ZNF625: variants seen among roughly 807,000 people sequenced by gnomAD.
ZNF625 encodes the protein zinc finger protein 625.
Under a neutral mutation model 11.1 loss-of-function variants are expected in ZNF625, and 8 were observed. The ratio of observed to expected loss-of-function variants is 0.72; its 90% CI spans 0.42 to 1.30. The LOEUF (loss-of-function observed/expected upper bound fraction) is 1.30. Ranked by LOEUF, ZNF625 falls within the 50% of genes most tolerant of loss-of-function variation. ZNF625 has a pLI of 0.01. For synonymous variants in ZNF625, 145 were observed against 153.4 expected (o/e 0.95, Z 0.41); for missense variants, 349 against 447.6 (o/e 0.78, Z 1.99).
rs1012870753 is a variant in ZNF625 at position 12,145,642 on chromosome 19, A to G, written c.774T>C (p.Ser258=). The change falls in exon 4 of 4, where the codon AGT becomes AGC. Residue 258 remains serine (S), a synonymous_variant. Transcript: ENST00000439556. The part of the protein sequence containing the change: ...ECSECGKAFH[S]STCLHAHKIT... ...TTTTATGTGCATGGAGGCATGTGGA[A>G]CTATGGAATGCTTTCCCACACTCAC... 1 of 1,614,120 alleles carries G rather than the reference A, an allele frequency of 6.2e-7. No homozygotes were observed. Among genetic ancestry groups the G allele is most frequent in the Non-Finnish European group, 8.5e-7 (1 of 1,180,028 alleles).
chr19:12,147,531 A>G (rs1409908747), intron 2 of ZNF625, 76 bp from the exon 3 acceptor site: 11 of 1,519,018 alleles, frequency 7.2e-6, no homozygotes, highest in Non-Finnish European at 9.0e-6. Context: ...AGTTCATGGT[A>G]CACTGCAGCC....
chr19:12,147,345 T>C, intron 3 of ZNF625, 50 bp downstream of exon 3: 2 of 1,360,162 alleles, frequency 1.5e-6, no homozygotes, highest in Middle Eastern at 1.9e-4. Flanking sequence ...TTTTCTTCCA[T>C]TCTATGATTG....
chr19:12,153,139 G>A (rs1976978660), intron 1 of ZNF625, among the ~76,000 whole-genome samples: 1 of 151,932 alleles, frequency 6.6e-6, no homozygotes, highest in Non-Finnish European at 1.5e-5. Context: ...GGATCACGAG[G>A]TCAGGAGTTC....
intron 1 of ZNF625, among the ~76,000 whole-genome samples, chr19:12,152,798 T>C (rs1046973763): frequency 2.6e-5 from 4 of 151,480 alleles, no homozygotes; most frequent in African/African-American, 9.7e-5. Flanking sequence ...GCCGAGATCA[T>C]GCCATTGCAC....
rs369194801 is a variant in ZNF625 at position 12,145,426 on chromosome 19, G to A, written c.990C>T (p.Pro330=). 6.2e-7 allele frequency: 1 copy of A among 1,613,994 alleles called. No individual in the cohort carries two copies. The change falls in exon 4 of 4, where the codon CCC becomes CCT. Residue 330 remains proline, a synonymous_variant. Coordinates refer to ENST00000439556, the MANE Select transcript of ZNF625 (RefSeq NM_145233.4). ...THGRTHTGEK[P]YECKQCGKAF... ...CTTTACCACATTGTTTACATTCATAGGGTTTCTCTCCAGTGTGAGTCCTTC... is the reference window on the plus strand; with the variant it reads ...CTTTACCACATTGTTTACATTCATAAGGTTTCTCTCCAGTGTGAGTCCTTC...
chr19:12,145,663 C>T lies in ZNF625; in HGVS notation c.753G>A (p.Glu251=). 6.2e-7 allele frequency: 1 copy of T among 1,613,346 alleles called. No individual in the cohort carries two copies. Among genetic ancestry groups the T allele is most frequent in the Non-Finnish European group, 8.5e-7 (1 of 1,179,864 alleles). Residue 251 remains glutamate (E), a synonymous_variant, in exon 4 of 4, where the codon GAG becomes GAA. Coordinates refer to ENST00000439556, the MANE Select transcript of ZNF625 (RefSeq NM_145233.4). ...TGGAACTATGGAATGCTTTCCCACA[C>T]TCACTGCATTCATAAGGCTTCTCTC... ...HTGEKPYECS[E]CGKAFHSSTC...
In ZNF625 at chr19:12,147,310, A is replaced by G. The variant is rs1976890837; in HGVS notation, c.191+85T>C. On this transcript the variant is annotated intron_variant, in intron 3 of 3. Transcript: ENST00000439556. ...GAATAAATACAGTGGAACTTGGCTT[A>G]TTTCTTGTTTGCTTCTTTTTAACAT... 1.2e-5 allele frequency: 15 copies of G among 1,239,532 alleles called. 1 individual carries two copies. The South Asian group carries it at 2.1e-4, about 17-fold the overall frequency. 76.8% of individuals were successfully genotyped at this position (1,239,532 alleles called of 1,614,324 possible).
intron 1 of ZNF625, among the ~76,000 whole-genome samples, chr19:12,148,319 TAA>T (rs1976905997): frequency 6.6e-6 from 1 of 151,798 alleles, no homozygotes; most frequent in Non-Finnish European, 1.5e-5. Flanking sequence ...CATAACTAAC[TAA>T]AACAAAAAAT....
At chr19:12,153,908 C>T (rs1002655198) in intron 1 of ZNF625, among the ~76,000 whole-genome samples, 1 of 147,810 alleles carries the variant, frequency 6.8e-6, no homozygotes, top group African/African-American at 2.5e-5. Flanking sequence ...CCCGGGTTCA[C>T]GCCATTCTCC....
At position 12,145,416 on chromosome 19, in the gene ZNF625, TA is replaced by T; in HGVS notation, c.999del (p.Cys333Ter). 1.2e-6 allele frequency: 2 copies of T among 1,614,236 alleles called. No homozygotes were observed. ...RTHTGEKPYECKQCGKAFGCA... is the reference protein window; with the variant it reads ...RTHTGEKPYEXKQCGKAFGCA... Reference sequence around the variant, plus strand: ...CATCCAAAGGCTTTACCACATTGTTTACATTCATAGGGTTTCTCTCCAGTGT... The same window carrying T: ...CATCCAAAGGCTTTACCACATTGTTTCATTCATAGGGTTTCTCTCCAGTGT... On this transcript the variant is annotated frameshift_variant, in exon 4 of 4. Coordinates refer to ENST00000439556, the MANE Select transcript of ZNF625 (RefSeq NM_145233.4). LOFTEE classifies it low-confidence loss of function (END_TRUNC).
Position 12,146,094 on chromosome 19 carries a change from C to G in ZNF625, c.322G>C (p.Gly108Arg), listed in dbSNP as rs1055009610. Residue 108 changes from glycine to arginine, a missense_variant, in exon 4 of 4, where the codon GGT becomes CGT. Coordinates refer to ENST00000439556, the MANE Select transcript of ZNF625 (RefSeq NM_145233.4). ...TGGTGCCTATTAAGGGATGCATGACCCACGCTGACTTCTCCACATGATTTT... is the reference window on the plus strand; with the variant it reads ...TGGTGCCTATTAAGGGATGCATGACGCACGCTGACTTCTCCACATGATTTT... ...RVKSCGEVSV[G>R]HASLNRHHRA... The G allele has an allele frequency of 2.5e-6, 4 of 1,613,952 alleles. No individual in the cohort carries two copies. In the African/African-American group the frequency reaches 4.0e-5, roughly 16 times the overall value.
intron 2 of ZNF625, 95 bp downstream of exon 2, chr19:12,147,581 A>C (rs1976894983): frequency 1.3e-6 from 2 of 1,584,130 alleles, no homozygotes; most frequent in East Asian, 4.5e-5. Flanking sequence ...TGTCCTCACT[A>C]TTCCCTGTCC....
Position 12,146,143 on chromosome 19 carries a change from C to T in ZNF625, c.273G>A (p.Met91Ile). 1 of 1,614,200 alleles carries T rather than the reference C, an allele frequency of 6.2e-7. No homozygotes were observed. The highest frequency in any genetic ancestry group is 1.7e-5 in the Admixed American group (1 of 60,016). Residue 91 changes from methionine to isoleucine, a missense_variant, in exon 4 of 4, where the codon ATG becomes ATA. Met to Ile is a conservative substitution (Grantham distance 10). Coordinates refer to ENST00000439556, the MANE Select transcript of ZNF625 (RefSeq NM_145233.4). ...GEILTQVPDD[M>I]LKKKTPRVKS... Reference sequence around the variant, plus strand: ...TTACTCGGGGAGTTTTCTTCTTCAGCATGTCATCTGGAACCTGGGTCAAAA... The same window carrying T: ...TTACTCGGGGAGTTTTCTTCTTCAGTATGTCATCTGGAACCTGGGTCAAAA...
At position 12,145,880 on chromosome 19, in the gene ZNF625, C is replaced by T. The variant is rs754871249; in HGVS notation, c.536G>A (p.Arg179Gln). ...TCCACTGTGCATTATCCTGTGTCTT[C>T]GAATGCTTGAACGGGAAATAAAGCT... ...GKSFISRSSIRRHRIMHSGDG... is the reference protein window; with the variant it reads ...GKSFISRSSIQRHRIMHSGDG... Residue 179 changes from arginine to glutamine, a missense_variant, in exon 4 of 4, where the codon CGA becomes CAA. Arg to Gln is a conservative substitution (Grantham distance 43). Transcript: ENST00000439556. 22 of 1,614,010 alleles carry T rather than the reference C, an allele frequency of 1.4e-5. No homozygotes were observed. The highest frequency in any genetic ancestry group is 6.7e-5 in the African/African-American group (5 of 74,914).
At chr19:12,150,281 T>C (rs971159394) in intron 1 of ZNF625, among the ~76,000 whole-genome samples, 1 of 152,032 alleles carries the variant, frequency 6.6e-6, no homozygotes. Context: ...AATGTAAGGA[T>C]TTGTTGTTGT....
intron 1 of ZNF625, among the ~76,000 whole-genome samples, chr19:12,150,099 A>G (rs1976934666): frequency 6.6e-6 from 1 of 152,214 alleles, no homozygotes; most frequent in Admixed American, 6.5e-5. Context: ...CCTCTCATGA[A>G]AAGTATTCAT....
At chr19:12,155,110 C>T (rs1977008701) in intron 1 of ZNF625, among the ~76,000 whole-genome samples, 1 of 151,522 alleles carries the variant, frequency 6.6e-6, no homozygotes, top group African/African-American at 2.4e-5. Context: ...CCTGTAATTC[C>T]AGCTACTTGG....
chr19:12,155,953 C>G (rs1183530635), intron 1 of ZNF625, among the ~76,000 whole-genome samples: 2 of 152,098 alleles, frequency 1.3e-5, no homozygotes, highest in African/African-American at 4.8e-5. Context: ...CTCCCTCAAG[C>G]GATCCTCCCA....
At position 12,146,218 on chromosome 19, in the gene ZNF625, A is replaced by C. The variant is rs200002017; in HGVS notation, c.198T>G (p.Leu66=). 6.2e-7 allele frequency: 1 copy of C among 1,613,082 alleles called. No homozygotes were observed. Among genetic ancestry groups the C allele is most frequent in the Non-Finnish European group, 8.5e-7 (1 of 1,179,722 alleles). ...YKNPRRNLRG[L]MGERLLESKK... ...TACTTTCTAAGAGTCTCTCTCCCAT[A>C]AGACCTCTGTGAACAATGAGAAGTA... Residue 66 remains leucine, a synonymous_variant, in exon 4 of 4, where the codon CTT becomes CTG. Transcript: ENST00000439556.
Sources: gnomAD v4.1 joint callset for allele counts (sites outside exome capture counted in the v4.1 genomes callset) on GRCh38, gnomAD v4.1.1 for gene constraint, MANE v1.5 for transcripts, NCBI Gene and HGNC (gene_info 2026-07-23, HGNC 2026-07-21) for gene names.